RBMS3: variants seen among roughly 807,000 people sequenced by gnomAD.
RBMS3 encodes RNA binding motif single stranded interacting protein 3.
In RBMS3, 27 loss-of-function variants were observed where a neutral mutation model predicts 66.8. That is an observed-to-expected ratio of 0.40 (90% CI 0.30 to 0.56). The LOEUF is 0.56. Ranked by LOEUF, RBMS3 falls within the 20% of genes least tolerant of loss-of-function variation. The pLI, the probability that RBMS3 is intolerant of heterozygous loss-of-function variation, is 0.40. For synonymous variants in RBMS3, 188 were observed against 183.0 expected (o/e 1.03, Z -0.22); for missense variants, 513 against 549.5 (o/e 0.93, Z 0.66).
intron 4 of RBMS3, among the ~76,000 whole-genome samples, chr3:29,684,261 A>T (rs947258855): frequency 3.9e-5 from 6 of 152,194 alleles, no homozygotes; most frequent in Admixed American, 3.9e-4. Context: ...TTAGGAAGAC[A>T]AGAGTCACTG....
At chr3:29,302,580 A>T (rs1420611700) in intron 1 of RBMS3, among the ~76,000 whole-genome samples, 2 of 152,060 alleles carry the variant, frequency 1.3e-5, no homozygotes, top group Non-Finnish European at 2.9e-5. Flanking sequence ...TTATCAATAG[A>T]TGCTGAAATA....
intron 3 of RBMS3, among the ~76,000 whole-genome samples, chr3:29,532,252 ATATATATATG>A (rs1163606624): frequency 0.043 from 4,156 of 97,478 alleles, 299 homozygotes; most frequent in African/African-American, 0.15. Context: ...ATATGTATAT[ATATATATATG>A]TATATATATA....
chr3:29,838,061 G>T (rs187455808), intron 6 of RBMS3, among the ~76,000 whole-genome samples: 75 of 150,670 alleles, frequency 5.0e-4, no homozygotes, highest in African/African-American at 1.3e-3. Flanking sequence ...GGTGTGGTGG[G>T]TCATGCCTGT....
At chr3:29,405,484 A>G (rs1386390505) in intron 1 of RBMS3, among the ~76,000 whole-genome samples, 5 of 152,142 alleles carry the variant, frequency 3.3e-5, no homozygotes, top group Non-Finnish European at 5.9e-5. Flanking sequence ...TTTTGTGGCA[A>G]ATCAGGGTAC....
chr3:29,658,327 G>C lies in RBMS3; in HGVS notation c.399+71122G>C, dbSNP rs993783288. ...TGCTTCTCAAAATTTTGTGGGCATA[G>C]CAGTCACCTGAGTGTCATGTTAATA... On this transcript the variant is annotated intron_variant, in intron 4 of 14. Coordinates refer to ENST00000383767, the MANE Select transcript of RBMS3 (RefSeq NM_001003793.3). 2.6e-5 allele frequency among the ~76,000 whole-genome samples: 4 copies of C among 152,166 alleles called. No individual in the cohort carries two copies. The East Asian group carries it at 5.8e-4, about 22-fold the overall frequency.
At chr3:29,461,210 G>A (rs1183597887) in intron 2 of RBMS3, among the ~76,000 whole-genome samples, 1 of 152,054 alleles carries the variant, frequency 6.6e-6, no homozygotes, top group Non-Finnish European at 1.5e-5. Flanking sequence ...CTGCTTTTGG[G>A]AACACCTTCA....
intron 6 of RBMS3, among the ~76,000 whole-genome samples, chr3:29,843,526 A>G (rs2058710774): frequency 1.3e-5 from 2 of 152,216 alleles, no homozygotes; most frequent in Admixed American, 1.3e-4. Context: ...TTTATAATCT[A>G]TAATCAAAAT....
intron 11 of RBMS3, among the ~76,000 whole-genome samples, 172 bp from the exon 12 acceptor site, chr3:29,944,035 G>A (rs1418076341): frequency 6.6e-6 from 1 of 151,656 alleles, no homozygotes; most frequent in African/African-American, 2.4e-5. Flanking sequence ...GTGGTAATAG[G>A]GACCATGGTA....
chr3:29,554,745 T>C lies in RBMS3; in HGVS notation c.308-32369T>C, dbSNP rs564014821. On this transcript the variant is annotated intron_variant, in intron 3 of 14. Transcript: ENST00000383767. Reference sequence around the variant, plus strand: ...AAAGGATATAAAAGCAATTTACAGATATAAGAAACTATGAGTCATCTGGTA... The same window carrying C: ...AAAGGATATAAAAGCAATTTACAGACATAAGAAACTATGAGTCATCTGGTA... Among the ~76,000 whole-genome samples, 12 of 152,210 alleles carry C rather than the reference T, an allele frequency of 7.9e-5. No homozygotes were observed. In the Middle Eastern group the frequency reaches 0.014, roughly 173 times the overall value.
At chr3:29,902,421 C>T (rs1180573493) in intron 10 of RBMS3, among the ~76,000 whole-genome samples, 1 of 151,638 alleles carries the variant, frequency 6.6e-6, no homozygotes, top group Non-Finnish European at 1.5e-5. Context: ...CTATTTCTAC[C>T]ACATTCATAG....
rs1447755173 is a variant in RBMS3, at chr3:29,281,481, T to TG, written c.-201_-200insG. 1.8e-6 allele frequency: 1 copy of TG among 567,468 alleles called. No homozygotes were observed. The allele number at this position is 567,468 out of a possible 1,614,324, so 35.2% of individuals were successfully genotyped here. A position where few individuals can be genotyped will look rare whatever the true frequency, so the allele number is the denominator to read the frequency against. ...ACAGATCTCACTCCTCGCCCTTTTT[T>TG]TTTTTCCTTTGGTGTGTGTTTTTTG... On this transcript the variant is annotated 5_prime_UTR_variant, in exon 1 of 15. Coordinates refer to ENST00000383767, the MANE Select transcript of RBMS3 (RefSeq NM_001003793.3).
intron 8 of RBMS3, among the ~76,000 whole-genome samples, chr3:29,890,371 G>A (rs887364747): frequency 6.6e-6 from 1 of 151,510 alleles, no homozygotes; most frequent in African/African-American, 2.4e-5. Context: ...TTCCTCATTC[G>A]CATTGCTCTA....
intron 6 of RBMS3, among the ~76,000 whole-genome samples, chr3:29,862,671 C>A (rs899793220): frequency 1.4e-4 from 21 of 151,954 alleles, no homozygotes; most frequent in African/African-American, 2.4e-4. Context: ...GGAGGAACTG[C>A]CCTTAGAAGT....
chr3:29,392,495 A>ATT (rs2039346456), intron 1 of RBMS3, among the ~76,000 whole-genome samples: 1 of 152,160 alleles, frequency 6.6e-6, no homozygotes, highest in South Asian at 2.1e-4. Context: ...TTCAGTAAAT[A>ATT]TTTGTAAAAT....
At chr3:29,670,186 T>C (rs1056238086) in intron 4 of RBMS3, among the ~76,000 whole-genome samples, 1 of 152,176 alleles carries the variant, frequency 6.6e-6, no homozygotes, top group Non-Finnish European at 1.5e-5. Flanking sequence ...AATGGCGTTC[T>C]CCCAAAATTC....
At chr3:29,818,424 A>G (rs2057980476) in intron 6 of RBMS3, among the ~76,000 whole-genome samples, 1 of 151,664 alleles carries the variant, frequency 6.6e-6, no homozygotes, top group African/African-American at 2.4e-5. Flanking sequence ...AATTTATATA[A>G]TTTTTTTAGT....
chr3:29,686,405 C>G (rs140626214), intron 4 of RBMS3, among the ~76,000 whole-genome samples: 4 of 151,970 alleles, frequency 2.6e-5, no homozygotes, highest in African/African-American at 9.7e-5. Context: ...AAAAATAGGC[C>G]GGGCATGGTG....
At chr3:29,734,160 A>G (rs1407514838) in intron 4 of RBMS3, among the ~76,000 whole-genome samples, 1 of 152,090 alleles carries the variant, frequency 6.6e-6, no homozygotes, top group Non-Finnish European at 1.5e-5. Context: ...GATAAATACC[A>G]CATGTTCTCA....
At chr3:29,384,081 C>T (rs1225131297) in intron 1 of RBMS3, among the ~76,000 whole-genome samples, 1 of 152,052 alleles carries the variant, frequency 6.6e-6, no homozygotes, top group Non-Finnish European at 1.5e-5. Flanking sequence ...TTTGGGAGGC[C>T]AAGCCAGGTA....
Sources: allele counts gnomAD v4.1 joint callset (sites outside exome capture counted in the v4.1 genomes callset), GRCh38; gene constraint gnomAD v4.1.1; transcripts MANE v1.5; gene names NCBI Gene and HGNC (gene_info 2026-07-23, HGNC 2026-07-21).